Variants in KIAA1217 observed in about 807,000 individuals in gnomAD.
KIAA1217 encodes KIAA1217.
A neutral mutation model predicts 163.9 loss-of-function variants in KIAA1217; 88 were observed. The ratio of observed to expected loss-of-function variants is 0.54; its 90% CI spans 0.45 to 0.64. The LOEUF (loss-of-function observed/expected upper bound fraction) is 0.64. Ranked by LOEUF, KIAA1217 falls within the 30% of genes least tolerant of loss-of-function variation. The probability of loss-of-function intolerance (pLI) is 0.00; values close to 1 mark genes in which losing one functional copy is unlikely to be tolerated. For synonymous variants in KIAA1217, 903 were observed against 923.1 expected (o/e 0.98, Z 0.39); for missense variants, 2,372 against 2,475.0 (o/e 0.96, Z 0.88).
chr10:23,710,311 T>C (rs777066255), intron 1 of KIAA1217, among the ~76,000 whole-genome samples: 1 of 152,210 alleles, frequency 6.6e-6, no homozygotes, highest in Non-Finnish European at 1.5e-5. Context: ...ATAATGCTGT[T>C]CTCAGTTAAA....
exon 1 of KIAA1217, chr10:23,694,933 C>G (rs1835928034): frequency 1.3e-5 from 2 of 152,260 alleles, no homozygotes; most frequent in Non-Finnish European, 2.9e-5. Context: ...TCCTGGCATG[C>G]CCTGAAACTG....
chr10:23,980,786 C>T (rs1589177972), intron 1 of KIAA1217, among the ~76,000 whole-genome samples: 2 of 152,166 alleles, frequency 1.3e-5, no homozygotes, highest in Admixed American at 1.3e-4. Context: ...TTCCGTTCAG[C>T]TCAATCTGTT....
chr10:24,265,703 C>T (rs117585265), intron 2 of KIAA1217, among the ~76,000 whole-genome samples: 2,496 of 152,104 alleles, frequency 0.016, 42 homozygotes, highest in Non-Finnish European at 0.025. Context: ...TGTTTTGAAC[C>T]GGGCATTATG....
chr10:23,949,561 G>GA (rs1008598881), intron 1 of KIAA1217, among the ~76,000 whole-genome samples: 21 of 151,310 alleles, frequency 1.4e-4, no homozygotes, highest in East Asian at 7.7e-4. Context: ...TTATTTGCTA[G>GA]AAAAAAAATA....
At chr10:23,811,323 G>T (rs1039141715) in intron 1 of KIAA1217, among the ~76,000 whole-genome samples, 5 of 147,294 alleles carry the variant, frequency 3.4e-5, no homozygotes, top group Admixed American at 1.4e-4. Context: ...TATATAGAGG[G>T]AGTATGTATA....
At chr10:24,402,277 C>T (rs1211926189) in intron 3 of KIAA1217, among the ~76,000 whole-genome samples, 2 of 151,768 alleles carry the variant, frequency 1.3e-5, no homozygotes, top group East Asian at 1.9e-4. Flanking sequence ...GAGGCCAAGG[C>T]GGGCGGATCA....
At chr10:24,028,556 A>G (rs1848060500) in intron 2 of KIAA1217, among the ~76,000 whole-genome samples, 1 of 152,172 alleles carries the variant, frequency 6.6e-6, no homozygotes, top group Non-Finnish European at 1.5e-5. Flanking sequence ...TAAAAGAATC[A>G]TTCAAATTAA....
chr10:24,425,347 C>G (rs1223467699), intron 3 of KIAA1217, among the ~76,000 whole-genome samples: 2 of 152,248 alleles, frequency 1.3e-5, no homozygotes, highest in South Asian at 2.1e-4. Flanking sequence ...TCAGGCCCCT[C>G]TAAATATAAA....
At chr10:23,905,797 C>A (rs960402726) in intron 1 of KIAA1217, among the ~76,000 whole-genome samples, 1 of 152,116 alleles carries the variant, frequency 6.6e-6, no homozygotes, top group Non-Finnish European at 1.5e-5. Flanking sequence ...TAACCATTCC[C>A]CCAAAAGTCC....
intron 1 of KIAA1217, among the ~76,000 whole-genome samples, chr10:23,775,225 A>G (rs1564409231): frequency 6.6e-6 from 1 of 152,152 alleles, no homozygotes; most frequent in Non-Finnish European, 1.5e-5. Flanking sequence ...GGAGATTCAG[A>G]TTTGAGAGAC....
chr10:24,471,691 G>A (rs992731001), intron 5 of KIAA1217, among the ~76,000 whole-genome samples: 3 of 151,762 alleles, frequency 2.0e-5, no homozygotes, highest in East Asian at 1.9e-4. Context: ...AAGACTAGCC[G>A]GGCCAACATG....
chr10:24,105,095 T>G (rs2062572510), intron 2 of KIAA1217, among the ~76,000 whole-genome samples: 1 of 150,854 alleles, frequency 6.6e-6, no homozygotes, highest in Admixed American at 6.6e-5. Context: ...TGATGATGAA[T>G]ACTTAATAGT....
intron 2 of KIAA1217, among the ~76,000 whole-genome samples, chr10:24,131,916 T>C (rs917517540): frequency 2.0e-5 from 3 of 152,200 alleles, no homozygotes; most frequent in Non-Finnish European, 2.9e-5. Flanking sequence ...GTAGACATAA[T>C]CACCATAAAC....
chr10:24,377,245 G>A (rs1289648610), intron 2 of KIAA1217, among the ~76,000 whole-genome samples: 5 of 152,248 alleles, frequency 3.3e-5, no homozygotes, highest in Admixed American at 6.5e-5. Context: ...TAATGATTTG[G>A]GGAAGTCTTT....
intron 2 of KIAA1217, chr10:24,158,287 C>A (rs914988038): frequency 2.8e-6 from 2 of 706,274 alleles, no homozygotes; most frequent in South Asian, 2.7e-5. Flanking sequence ...TTCTCCTTCC[C>A]GGTTGGATCC....
chr10:24,208,506 A>G (rs1390424774), upstream of KIAA1217, among the ~76,000 whole-genome samples: 10 of 152,006 alleles, frequency 6.6e-5, no homozygotes, highest in Non-Finnish European at 1.2e-4. Context: ...TGTGCAAATG[A>G]CGCTATACCT....
chr10:24,189,534 C>G (rs577494569), intron 2 of KIAA1217, among the ~76,000 whole-genome samples: 1 of 152,098 alleles, frequency 6.6e-6, no homozygotes, highest in Non-Finnish European at 1.5e-5. Context: ...ATACCTTTTT[C>G]TCACCCATCA....
chr10:24,091,060 T>C (rs1249256751), intron 2 of KIAA1217, among the ~76,000 whole-genome samples: 1 of 151,906 alleles, frequency 6.6e-6, no homozygotes, highest in Non-Finnish European at 1.5e-5. Context: ...TAAGATGAGA[T>C]TACCACAGTA....
At chr10:23,991,353 C>G (rs1353802153) in intron 1 of KIAA1217, among the ~76,000 whole-genome samples, 1 of 152,188 alleles carries the variant, frequency 6.6e-6, no homozygotes, top group African/African-American at 2.4e-5. Flanking sequence ...CCATCATGTA[C>G]TGGCTAAGCA....
Sources: allele counts gnomAD v4.1 joint callset (sites outside exome capture counted in the v4.1 genomes callset), GRCh38; gene constraint gnomAD v4.1.1; transcripts MANE v1.5; gene names NCBI Gene and HGNC (gene_info 2026-07-23, HGNC 2026-07-21).